The following HELZ2 variants were observed in gnomAD, a reference collection of about 807,000 sequenced individuals.
HELZ2 encodes the protein helicase with zinc finger 2, also known as 3'-5' exoribonuclease HELZ2.
In HELZ2, 143 loss-of-function variants were observed where a neutral mutation model predicts 208.8. The ratio of observed to expected loss-of-function variants is 0.68; its 90% CI spans 0.60 to 0.79. HELZ2 has a LOEUF of 0.79. Ranked by LOEUF, HELZ2 falls within the 30% of genes least tolerant of loss-of-function variation. HELZ2 has a pLI of 0.00. For missense variants in HELZ2, 3,690 were observed against 3,794.5 expected (o/e 0.97, Z 0.72); for synonymous variants, 1,705 against 1,693.7 (o/e 1.01, Z -0.16).
At chr20:63,564,475 C>T (rs1213269339) in exon 8 of HELZ2, 2 of 1,582,246 alleles carry the variant, frequency 1.3e-6, no homozygotes, top group Non-Finnish European at 1.7e-6. Flanking sequence ...CAGACTGGAC[C>T]ACGGAGGGTG....
In HELZ2 at chr20:63,564,837, G is replaced by A. The variant is rs148530703; in HGVS notation, c.3985C>T (p.Arg1329Trp). The A allele has an allele frequency of 3.4e-4, 555 of 1,610,644 alleles. 1 individual carries two copies. Among genetic ancestry groups the A allele is most frequent in the Middle Eastern group, 2.5e-3 (15 of 6,060 alleles). Residue 1329 changes from arginine (R) to tryptophan (W), a missense_variant, in exon 8 of 19, where the codon CGG becomes TGG. This residue lies in a region of HELZ2 where 2,564 missense variants were observed against 2,580.5 expected (regional missense o/e 0.99). Transcript: ENST00000467148. ...CAGTCCTCTCGGCGGCCGGCAACCCGGCCAAGCTCCGTGTGGTATTTCTGC... is the reference window on the plus strand; with the variant it reads ...CAGTCCTCTCGGCGGCCGGCAACCCAGCCAAGCTCCGTGTGGTATTTCTGC...
At chr20:63,566,298 G>A (rs569947026) in intron 7 of HELZ2, 67 bp from the exon 9 acceptor site, 30 of 1,502,468 alleles carry the variant, frequency 2.0e-5, no homozygotes, top group African/African-American at 5.5e-5. Flanking sequence ...CACCCCTGCC[G>A]ATGCCAGGCT....
At chr20:63,561,424 A>C (rs201232534) in exon 13 of HELZ2, 1 of 1,612,586 alleles carries the variant, frequency 6.2e-7, no homozygotes, top group Non-Finnish European at 8.5e-7. Flanking sequence ...CCGACGAGTA[A>C]GGGTTGGGGG....
chr20:63,566,218 C>G, exon 8 of HELZ2: 2 of 1,488,596 alleles, frequency 1.3e-6, no homozygotes, highest in South Asian at 2.6e-5. Context: ...GCACCACGAC[C>G]CGGAACTGCC....
Position 63,572,392 on chromosome 20 carries a change from G to A in HELZ2, c.-7C>T, listed in dbSNP as rs777044193. 8.0e-5 allele frequency: 121 copies of A among 1,509,440 alleles called. No individual in the cohort carries two copies. The African/African-American group carries it at 1.4e-3, about 17-fold the overall frequency. The allele number at this position is 1,509,440 out of a possible 1,614,324, so 93.5% of individuals were successfully genotyped here. The stretch of plus-strand genomic sequence containing the variant: ...CGGCCTCCCACACAGCCATCTCCAC[G>A]GCGCTGTGTGCAAACTGGCAGCGGG... On this transcript the variant is annotated 5_prime_UTR_variant, in exon 1 of 19. Transcript: ENST00000467148.
chr20:63,574,111 C>A (rs1273836972), upstream of HELZ2: 1 of 148,652 alleles, frequency 6.7e-6, no homozygotes, highest in Non-Finnish European at 1.5e-5. Context: ...CTGGGACCCC[C>A]GCGCTCACCC....
exon 10 of HELZ2, chr20:63,562,095 A>G (rs2082894780): frequency 6.2e-7 from 1 of 1,604,778 alleles, no homozygotes; most frequent in Non-Finnish European, 8.5e-7. Context: ...AATGACCGTG[A>G]AAGGCTTCTC....
At chr20:63,566,987 G>A (rs759565725) in exon 6 of HELZ2, 13 of 1,611,530 alleles carry the variant, frequency 8.1e-6, no homozygotes, top group Middle Eastern at 1.6e-4. Flanking sequence ...GACATGTCCC[G>A]GTCTGGGCTG....
At chr20:63,562,656 G>T in exon 8 of HELZ2, 1 of 1,595,542 alleles carries the variant, frequency 6.3e-7, no homozygotes. Context: ...CGGTCTGCCC[G>T]GCGCTCCTGG....
At chr20:63,570,718 G>C in exon 2 of HELZ2, 1 of 1,541,252 alleles carries the variant, frequency 6.5e-7, no homozygotes, top group East Asian at 2.5e-5. Flanking sequence ...GCTGGTACTC[G>C]GCCAGCAGCC....
exon 8 of HELZ2, chr20:63,565,789 G>A: frequency 1.3e-6 from 2 of 1,599,980 alleles, no homozygotes; most frequent in Non-Finnish European, 1.7e-6. Context: ...TTGCCGTGAT[G>A]TCACGGGATG....
chr20:63,570,495 T>C lies in HELZ2; in HGVS notation c.570+9A>G, dbSNP rs2083005992. On this transcript the variant is annotated intron_variant, in intron 3 of 18. Coordinates refer to ENST00000467148, the Ensembl canonical transcript of HELZ2. ...TCCCTCCGCCCAGTCGGAGCTGTTC[T>C]CCGCTCACCTCAGAGTGGACGGCAA... 2 of 1,608,426 alleles carry C rather than the reference T, an allele frequency of 1.2e-6. No homozygotes were observed. The highest frequency in any genetic ancestry group is 2.2e-5 in the South Asian group (2 of 90,932).
At chr20:63,566,489 C>T (rs749209911) in intron 6 of HELZ2, 36 bp from the exon 8 acceptor site, 59 of 1,528,238 alleles carry the variant, frequency 3.9e-5, no homozygotes, top group Non-Finnish European at 4.7e-5. Flanking sequence ...GAGTGCTGGA[C>T]GCAGTGAGGA....
exon 8 of HELZ2, chr20:63,563,853 G>C: frequency 6.3e-7 from 1 of 1,595,736 alleles, no homozygotes; most frequent in Non-Finnish European, 8.5e-7. Context: ...TGGCCGCCCT[G>C]CTGCTGGTGG....
chr20:63,560,392 C>T (rs1003250031), intron 16 of HELZ2, 65 bp from the exon 18 acceptor site: 4 of 1,582,732 alleles, frequency 2.5e-6, no homozygotes, highest in Non-Finnish European at 3.4e-6. Context: ...CCAGGAAGCC[C>T]TCCCTGACTC....
exon 16 of HELZ2, chr20:63,560,600 G>C (rs186613938): frequency 6.2e-7 from 1 of 1,611,934 alleles, no homozygotes; most frequent in Non-Finnish European, 8.5e-7. Flanking sequence ...CTCCTTGCCA[G>C]CGTGGCCCAG....
chr20:63,567,852 T>G, intron 5 of HELZ2: 1 of 880,190 alleles, frequency 1.1e-6, no homozygotes, highest in Non-Finnish European at 1.7e-6. Context: ...CCTCTGACAC[T>G]GCAGACACCT....
exon 8 of HELZ2, chr20:63,565,811 G>GCCT: frequency 6.3e-7 from 1 of 1,599,486 alleles, no homozygotes. Context: ...TGGGCTCAGA[G>GCCT]CCTCATCTCC....
intron 1 of HELZ2, 145 bp from the exon 3 acceptor site, chr20:63,571,013 G>T: frequency 3.1e-6 from 2 of 648,078 alleles, no homozygotes; most frequent in Non-Finnish European, 5.2e-6. Context: ...CCCGGGACAA[G>T]GCCTGGCTCA....
Sources: allele counts gnomAD v4.1 joint callset, GRCh38; gene constraint gnomAD v4.1.1; regional missense constraint gnomAD v4.1.1; transcripts MANE v1.5; gene names NCBI Gene and HGNC (gene_info 2026-07-23, HGNC 2026-07-21).